The following PSMB6 variants were observed in gnomAD, a reference collection of about 807,000 sequenced individuals.
PSMB6 encodes proteasome subunit beta type-6.
In PSMB6, 11 loss-of-function variants were observed where a neutral mutation model predicts 28.2. The ratio of observed to expected loss-of-function variants is 0.39; its 90% CI spans 0.25 to 0.65. The LOEUF is 0.65. PSMB6 is among the 30% of genes least tolerant of loss of function. PSMB6 has a pLI of 0.48. For missense variants in PSMB6, 268 were observed against 319.4 expected (o/e 0.84, Z 1.23); for synonymous variants, 126 against 117.7 (o/e 1.07, Z -0.45).
chr17:4,796,665 A>C, intron 1 of PSMB6, 63 bp from the exon 2 acceptor site: 5 of 1,412,984 alleles, frequency 3.5e-6, no homozygotes, highest in East Asian at 2.3e-5. Context: ...AACTAGGTAG[A>C]GAGATCATTG....
intron 4 of PSMB6, 71 bp downstream of exon 4, chr17:4,797,882 C>A: frequency 6.2e-7 from 1 of 1,605,512 alleles, no homozygotes. Flanking sequence ...TTTTCTTTTT[C>A]TTTCCAGTCT....
At position 4,798,126 on chromosome 17, in the gene PSMB6, G is replaced by A. The variant is rs1905402093; in HGVS notation, c.550G>A (p.Glu184Lys). Residue 184 changes from glutamate to lysine, a missense_variant, in exon 5 of 6, where the codon GAA becomes AAA. Transcript: ENST00000270586. ...DATYREGMTK[E>K]ECLQFTANAL... The stretch of plus-strand genomic sequence containing the variant: ...TACCTACCGGGAAGGCATGACCAAG[G>A]AAGAGTGTCTGCAATTCACTGCCAA... 6.2e-7 allele frequency: 1 copy of A among 1,614,198 alleles called. No homozygotes were observed. Among genetic ancestry groups the A allele is most frequent in the Non-Finnish European group, 8.5e-7 (1 of 1,180,036 alleles).
At chr17:4,796,347 G>T in intron 1 of PSMB6, 51 bp downstream of exon 1, 2 of 1,406,188 alleles carry the variant, frequency 1.4e-6, no homozygotes, top group Non-Finnish European at 2.0e-6. Context: ...TGACGCGATG[G>T]GAAGATAAAG....
At chr17:4,797,363 T>C in intron 2 of PSMB6, 75 bp from the exon 3 acceptor site, 1 of 1,501,664 alleles carries the variant, frequency 6.7e-7, no homozygotes, top group Non-Finnish European at 8.9e-7. Flanking sequence ...CCCTGAGCCC[T>C]AAGAGAGTGG....
chr17:4,796,834 T>C (rs1905345042), intron 2 of PSMB6, 39 bp downstream of exon 2: 2 of 1,522,274 alleles, frequency 1.3e-6, no homozygotes, highest in East Asian at 4.5e-5. Flanking sequence ...CTTCCCATCT[T>C]CCTTTTCCTT....
intron 1 of PSMB6, 84 bp downstream of exon 1, chr17:4,796,380 G>C: frequency 8.9e-7 from 1 of 1,128,378 alleles, no homozygotes; most frequent in African/African-American, 1.5e-5. Flanking sequence ...TGAGAGATCT[G>C]GCAGGGGTGG....
rs1392817087 is a variant in PSMB6 at position 4,797,720 on chromosome 17, C to G, written c.341C>G (p.Ala114Gly). 1.2e-6 allele frequency: 2 copies of G among 1,614,164 alleles called. No homozygotes were observed. Among genetic ancestry groups the G allele is most frequent in the African/African-American group, 2.7e-5 (2 of 75,052 alleles). ...LNEPPLVHTA[A>G]SLFKEMCYRY... ...GAGCCTCCACTGGTCCACACAGCAG[C>G]CAGCCTCTTTAAGGAGATGTGTTAC... Residue 114 changes from alanine to glycine, a missense_variant, in exon 4 of 6, where the codon GCC (alanine) becomes GGC (glycine). Ala to Gly is a moderately conservative substitution (Grantham distance 60). Coordinates refer to ENST00000270586, the MANE Select transcript of PSMB6 (RefSeq NM_002798.3).
Position 4,798,387 on chromosome 17 carries a change from C to T in PSMB6, c.685C>T (p.Pro229Ser). The T allele has an allele frequency of 6.2e-7, 1 of 1,614,218 alleles. No individual in the cohort carries two copies. The highest frequency in any genetic ancestry group is 8.5e-7 in the Non-Finnish European group (1 of 1,180,042). ...ERQVLLGDQI[P>S]KFAVATLPPA ...GCAAGTACTTTTGGGAGACCAGATA[C>T]CCAAATTCGCCGTTGCCACTTTACC... Residue 229 changes from proline to serine, a missense_variant, in exon 6 of 6, where the codon CCC becomes TCC. Pro to Ser is a moderately conservative substitution (Grantham distance 74). Transcript: ENST00000270586.
chr17:4,797,597 A>G, intron 3 of PSMB6, 28 bp downstream of exon 3: 1 of 1,595,274 alleles, frequency 6.3e-7, no homozygotes, highest in Non-Finnish European at 8.6e-7. Flanking sequence ...AGGGGCAAGT[A>G]TCTGAAGGGA....
Position 4,797,724 on chromosome 17 carries a change from C to A in PSMB6, c.345C>A (p.Ser115Arg), listed in dbSNP as rs2304975. The A allele has an allele frequency of 1.2e-6, 2 of 1,613,968 alleles. No homozygotes were observed. ...NEPPLVHTAA[S>R]LFKEMCYRYR... ...CTCCACTGGTCCACACAGCAGCCAG[C>A]CTCTTTAAGGAGATGTGTTACCGAT... Residue 115 changes from serine (S) to arginine (R), a missense_variant, in exon 4 of 6, where the codon AGC becomes AGA. Physicochemically the swap from Ser to Arg is moderately radical, Grantham distance 110. Coordinates refer to ENST00000270586, the MANE Select transcript of PSMB6 (RefSeq NM_002798.3).
chr17:4,798,189 C>T, intron 5 of PSMB6, 36 bp downstream of exon 5: 1 of 1,613,588 alleles, frequency 6.2e-7, no homozygotes, highest in Non-Finnish European at 8.5e-7. Flanking sequence ...TGAGCTTCAA[C>T]CCCAACTACC....
In PSMB6 at chr17:4,797,489, C is replaced by G; in HGVS notation, c.222C>G (p.Arg74=). The G allele has an allele frequency of 6.2e-7, 1 of 1,604,326 alleles. No individual in the cohort carries two copies. The change falls in exon 3 of 6, where the codon CGC becomes CGG. Residue 74 remains arginine (R), a synonymous_variant. Transcript: ENST00000270586. The part of the protein sequence containing the change: ...VTDKLTPIHD[R]IFCCRSGSAA... ...ACAAGCTGACACCTATTCACGACCGCATTTTCTGCTGTCGCTCAGGCTCAG... is the reference window on the plus strand; with the variant it reads ...ACAAGCTGACACCTATTCACGACCGGATTTTCTGCTGTCGCTCAGGCTCAG...
At chr17:4,796,833 T>C in intron 2 of PSMB6, 38 bp downstream of exon 2, 1 of 1,521,394 alleles carries the variant, frequency 6.6e-7, no homozygotes, top group Non-Finnish European at 9.1e-7. Context: ...TCTTCCCATC[T>C]TCCTTTTCCT....
At chr17:4,796,387 G>A (rs1374904215) in intron 1 of PSMB6, 91 bp downstream of exon 1, 1 of 1,057,300 alleles carries the variant, frequency 9.5e-7, no homozygotes, top group Non-Finnish European at 1.4e-6. Context: ...TCTGGCAGGG[G>A]TGGAGAGGAG....
intron 2 of PSMB6, chr17:4,797,065 G>C: frequency 2.1e-6 from 1 of 471,712 alleles, no homozygotes; most frequent in Non-Finnish European, 3.8e-6. Flanking sequence ...TGTAATCCCA[G>C]TACTTTGGGA....
Position 4,797,351 on chromosome 17 carries a change from A to G in PSMB6, c.171-87A>G, listed in dbSNP as rs879123494. ...AAAAAAAGGCAATACTGGACATCCT[A>G]TCCCTGAGCCCTAAGAGAGTGGGTA... On this transcript the variant is annotated intron_variant, in intron 2 of 5. Coordinates refer to ENST00000270586, the MANE Select transcript of PSMB6 (RefSeq NM_002798.3). The G allele has an allele frequency of 8.2e-6, 12 of 1,472,288 alleles. No homozygotes were observed. The South Asian group carries it at 1.4e-4, about 17-fold the overall frequency. 91.2% of individuals were successfully genotyped at this position (1,472,288 alleles called of 1,614,324 possible).
At chr17:4,797,401 G>A (rs1346238604) in intron 2 of PSMB6, 37 bp from the exon 3 acceptor site, 10 of 1,298,456 alleles carry the variant, frequency 7.7e-6, no homozygotes, top group South Asian at 1.5e-5. Flanking sequence ...GTGGAAGACA[G>A]GTGGGCTCCT....
Sources: gnomAD v4.1 joint callset for allele counts on GRCh38, gnomAD v4.1.1 for gene constraint, MANE v1.5 for transcripts, NCBI Gene and HGNC (gene_info 2026-07-23, HGNC 2026-07-21) for gene names.